The following SYT7 variants were observed in gnomAD, a reference collection of about 807,000 sequenced individuals.
SYT7 encodes synaptotagmin 7, also known as synaptotagmin-7.
SYT7 carries 29 observed loss-of-function variants against 75.1 expected under a neutral mutation model. That is an observed-to-expected ratio of 0.39 (90% CI 0.29 to 0.53). SYT7 has a LOEUF of 0.53. Among genes scored for constraint, SYT7 ranks in the 20% least tolerant of loss-of-function variants. The pLI is 0.77. For synonymous variants in SYT7, 376 were observed against 401.7 expected (o/e 0.94, Z 0.76); for missense variants, 693 against 953.2 (o/e 0.73, Z 3.59).
chr11:61,571,472 A>C (rs2063918698), intron 1 of SYT7, among the ~76,000 whole-genome samples: 1 of 152,232 alleles, frequency 6.6e-6, no homozygotes, highest in Non-Finnish European at 1.5e-5. Flanking sequence ...TGTGGGGGCC[A>C]TGTGCCATGC....
rs372510554 is a variant in SYT7 at position 61,528,194 on chromosome 11, G to C, written c.1201-9C>G. On this transcript the variant is annotated splice_polypyrimidine_tract_variant and intron_variant, in intron 8 of 12. Transcript: ENST00000539008. ...TCGGAGCCTGGGGAGAGCTGGGGGTGGGGGAGAGGCCGGCAGGGTTTGGGG... is the reference window on the plus strand; with the variant it reads ...TCGGAGCCTGGGGAGAGCTGGGGGTCGGGGAGAGGCCGGCAGGGTTTGGGG... The C allele has an allele frequency of 1.8e-4, 286 of 1,609,300 alleles. No homozygotes were observed. The African/African-American group carries it at 2.7e-3, about 15-fold the overall frequency.
chr11:61,572,625 T>C (rs2063953378), intron 1 of SYT7, among the ~76,000 whole-genome samples: 2 of 152,172 alleles, frequency 1.3e-5, no homozygotes, highest in South Asian at 4.1e-4. Flanking sequence ...GAAGATGACA[T>C]AACATGATGA....
At chr11:61,555,792 T>C (rs2063486594) in intron 2 of SYT7, among the ~76,000 whole-genome samples, 1 of 150,274 alleles carries the variant, frequency 6.7e-6, no homozygotes, top group Non-Finnish European at 1.5e-5. Context: ...TGTGTGCGCG[T>C]GTGTGTAGCT....
At chr11:61,531,891 C>CA (rs58242073) in intron 8 of SYT7, among the ~76,000 whole-genome samples, 7,470 of 47,236 alleles carry the variant, frequency 0.16, 1,025 homozygotes, top group African/African-American at 0.32. Flanking sequence ...GATTCTGTCT[C>CA]AAAAAAAAAA....
intron 6 of SYT7, chr11:61,540,604 G>A: frequency 2.0e-6 from 2 of 985,526 alleles, no homozygotes; most frequent in Non-Finnish European, 2.4e-6. Flanking sequence ...TTGCATGCAT[G>A]ATGCTGGACG....
chr11:61,545,340 A>G (rs778344718), intron 5 of SYT7, among the ~76,000 whole-genome samples: 5 of 152,238 alleles, frequency 3.3e-5, no homozygotes, highest in Non-Finnish European at 5.9e-5. Context: ...CTGGGGTTTG[A>G]CAACCCAACC....
At chr11:61,579,379 C>T (rs1307671088) in intron 1 of SYT7, among the ~76,000 whole-genome samples, 1 of 152,220 alleles carries the variant, frequency 6.6e-6, no homozygotes, top group Non-Finnish European at 1.5e-5. Flanking sequence ...ACAGGCAATG[C>T]CCCTTCAGCC....
At chr11:61,547,381 G>A (rs1713037607) in intron 3 of SYT7, 73 bp from the exon 4 acceptor site, 4 of 1,506,902 alleles carry the variant, frequency 2.7e-6, no homozygotes, top group Non-Finnish European at 3.6e-6. Context: ...TCCTGCGGGG[G>A]CAGAAGGGAC....
At chr11:61,581,252 C>A, upstream of SYT7, 1 of 147,328 alleles carries the variant, frequency 6.8e-6, no homozygotes, top group South Asian at 1.8e-4. Context: ...CCGCCGCCGC[C>A]CGAAGCCGCC....
chr11:61,582,368 A>G (rs2064298277), upstream of SYT7, among the ~76,000 whole-genome samples: 1 of 152,088 alleles, frequency 6.6e-6, no homozygotes, highest in Non-Finnish European at 1.5e-5. Context: ...TTTATACTGC[A>G]CTACTCATGC....
chr11:61,546,602 G>GCCA lies in SYT7; in HGVS notation c.348-350_348-348dup, dbSNP rs1228950366. 2 of 480,630 alleles carry GCCA rather than the reference G, an allele frequency of 4.2e-6. No homozygotes were observed. Among genetic ancestry groups the GCCA allele is most frequent in the Admixed American group, 4.7e-5 (2 of 42,946 alleles). 29.8% of individuals were successfully genotyped at this position (480,630 alleles called of 1,614,324 possible). On this transcript the variant is annotated intron_variant, in intron 4 of 12. Coordinates refer to ENST00000539008, the MANE Select transcript of SYT7 (RefSeq NM_001365809.2). This position sits in a 1 kb window ranked among gnomAD's most constrained non-coding sequence, Gnocchi z 7.6. ...GGGCGGCGGGGGTTGGGGGAGGGCA[G>GCCA]CCACCTCCAACTCTATCCCACAGGA...
At chr11:61,534,316 T>C (rs1590857363) in intron 7 of SYT7, among the ~76,000 whole-genome samples, 1 of 152,132 alleles carries the variant, frequency 6.6e-6, no homozygotes, top group South Asian at 2.1e-4. Context: ...ATGCATGGAA[T>C]ATGCCAGGCC....
chr11:61,521,845 T>C (rs796718513), intron 12 of SYT7, among the ~76,000 whole-genome samples: 8 of 152,358 alleles, frequency 5.3e-5, no homozygotes, highest in African/African-American at 1.9e-4. Context: ...CATGCCCCTT[T>C]ATTATCATAC....
chr11:61,524,478 T>G lies in SYT7; in HGVS notation c.1526A>C (p.Tyr509Ser). The G allele has an allele frequency of 6.2e-7, 1 of 1,612,878 alleles. No homozygotes were observed. Among genetic ancestry groups the G allele is most frequent in the Non-Finnish European group, 8.5e-7 (1 of 1,179,352 alleles). ...GGGGTCGTTGCGGCTGAAGCGGTCA[T>G]AGTCCAGGACTTGGAGGTAGAGGAT... ...QRILYLQVLD[Y>S]DRFSRNDPIG... Residue 509 changes from tyrosine (Y) to serine (S), a missense_variant, in exon 10 of 13, where the codon TAT (tyrosine) becomes TCT (serine). This residue lies in a region of SYT7 where 206 missense variants were observed against 360.0 expected (regional missense o/e 0.57). Transcript: ENST00000539008. The surrounding 1 kb of genome is among the most constrained non-coding windows in gnomAD (Gnocchi z 4.1).
At chr11:61,574,037 T>A (rs1366764370) in intron 1 of SYT7, among the ~76,000 whole-genome samples, 1 of 152,236 alleles carries the variant, frequency 6.6e-6, no homozygotes, top group Non-Finnish European at 1.5e-5. Flanking sequence ...GATGGTAACC[T>A]AACTGACACT....
intron 12 of SYT7, 50 bp from the exon 13 acceptor site, chr11:61,518,781 G>T: frequency 1.5e-6 from 2 of 1,360,678 alleles, no homozygotes; most frequent in Non-Finnish European, 2.0e-6. Context: ...CAGGGCACTG[G>T]CCCTTTCCCC....
At chr11:61,581,595 A>T (rs2064276672), upstream of SYT7, among the ~76,000 whole-genome samples, 1 of 152,216 alleles carries the variant, frequency 6.6e-6, no homozygotes, top group Non-Finnish European at 1.5e-5. Flanking sequence ...CCAGGAGTGG[A>T]ATTTTTGGCA....
chr11:61,539,378 G>A (rs1030813660), intron 6 of SYT7: 1 of 152,168 alleles, frequency 6.6e-6, no homozygotes, highest in Non-Finnish European at 1.5e-5. Flanking sequence ...CATTTGCCAG[G>A]GGGGGAGAAG....
chr11:61,517,344 G>A lies in SYT7; in HGVS notation c.*1283C>T, dbSNP rs1388306535. 1 of 398,668 alleles carries A rather than the reference G, an allele frequency of 2.5e-6. No individual in the cohort carries two copies. Among genetic ancestry groups the A allele is most frequent in the Non-Finnish European group, 4.4e-6 (1 of 226,100 alleles). The allele number at this position is 398,668 out of a possible 1,614,324, so 24.7% of individuals were successfully genotyped here. On this transcript the variant is annotated 3_prime_UTR_variant, in exon 13 of 13. Transcript: ENST00000539008. ...GCAACCTCAGAACTCACAGAATCCT[G>A]GTCTTTTCCCTGCCTCCTTTCCCTG...
Sources: allele counts gnomAD v4.1 joint callset (sites outside exome capture counted in the v4.1 genomes callset), GRCh38; gene constraint gnomAD v4.1.1; regional missense constraint gnomAD v4.1.1; non-coding constraint Gnocchi (gnomAD v3.1); transcripts MANE v1.5; gene names NCBI Gene and HGNC (gene_info 2026-07-23, HGNC 2026-07-21).